SHROOM3: variants seen among roughly 807,000 people sequenced by gnomAD.
SHROOM3 encodes the protein shroom family member 3.
SHROOM3 carries 47 observed loss-of-function variants against 138.6 expected under a neutral mutation model. That is an observed-to-expected ratio of 0.34 (90% CI 0.27 to 0.43). The LOEUF is 0.43. Ranked by LOEUF, SHROOM3 falls within the 20% of genes least tolerant of loss-of-function variation. The pLI, the probability that SHROOM3 is intolerant of heterozygous loss-of-function variation, is 1.00. For synonymous variants in SHROOM3, 1,062 were observed against 1,063.3 expected (o/e 1.00, Z 0.02); for missense variants, 2,491 against 2,596.5 (o/e 0.96, Z 0.88).
At chr4:76,614,065 G>A (rs1734821550) in intron 2 of SHROOM3, among the ~76,000 whole-genome samples, 1 of 140,172 alleles carries the variant, frequency 7.1e-6, no homozygotes, top group African/African-American at 2.7e-5. Flanking sequence ...TTGTTTGTTT[G>A]TTTGAGACAG....
In SHROOM3 at chr4:76,540,738, C is replaced by G. The variant is rs149238629; in HGVS notation, c.169-14871C>G. On this transcript the variant is annotated intron_variant, in intron 1 of 10. Coordinates refer to ENST00000296043, the MANE Select transcript of SHROOM3 (RefSeq NM_020859.4). The stretch of plus-strand genomic sequence containing the variant: ...AAGAGATTTGTTATTTTTCTTCTTG[C>G]TGGCACTGATTTAGTTTCTAACCAC... Among the ~76,000 whole-genome samples, 55 of 152,282 alleles carry G rather than the reference C, an allele frequency of 3.6e-4. No homozygotes were observed. The East Asian group carries it at 9.6e-3, about 27-fold the overall frequency.
At chr4:76,653,575 A>C (rs1272900201) in intron 2 of SHROOM3, among the ~76,000 whole-genome samples, 1 of 151,278 alleles carries the variant, frequency 6.6e-6, no homozygotes, top group Non-Finnish European at 1.5e-5. Flanking sequence ...TTAACTAATT[A>C]ATTTTTTTGA....
rs146405432 is a variant in SHROOM3, at chr4:76,607,702, A to G, written c.323+51939A>G. Among the ~76,000 whole-genome samples, 373 of 152,098 alleles carry G rather than the reference A, an allele frequency of 2.5e-3. 1 individual carries two copies. Among genetic ancestry groups the G allele is most frequent in the African/African-American group, 7.8e-3 (325 of 41,496 alleles). ...GCATTTTTTTTTTCTTGTGGTTAAT[A>G]AAGGACAGGGTTTCAAGGCAGGCTT... On this transcript the variant is annotated intron_variant, in intron 2 of 10. Coordinates refer to ENST00000296043, the MANE Select transcript of SHROOM3 (RefSeq NM_020859.4).
intron 1 of SHROOM3, among the ~76,000 whole-genome samples, chr4:76,546,048 G>A (rs1733209326): frequency 6.6e-6 from 1 of 152,154 alleles, no homozygotes; most frequent in Non-Finnish European, 1.5e-5. Flanking sequence ...TGTTACATAT[G>A]TATTTTAATT....
At chr4:76,527,623 A>G (rs955576616) in intron 1 of SHROOM3, among the ~76,000 whole-genome samples, 1 of 152,230 alleles carries the variant, frequency 6.6e-6, no homozygotes, top group African/African-American at 2.4e-5. Context: ...GTAAAACAAA[A>G]AAAGAGATTG....
In SHROOM3 at chr4:76,781,721, A is replaced by T. The variant is rs1722741575; in HGVS notation, c.*2544A>T. 1 of 152,190 alleles carries T rather than the reference A, an allele frequency of 6.6e-6. No individual in the cohort carries two copies. The allele number at this position is 152,190 out of a possible 1,614,324, so 9.4% of individuals were successfully genotyped here. ...TTCCTTTTAAATGCGTTTAGCTAGAAATCTATGTATTTATCCCTTTCCTAT... is the reference window on the plus strand; with the variant it reads ...TTCCTTTTAAATGCGTTTAGCTAGATATCTATGTATTTATCCCTTTCCTAT... On this transcript the variant is annotated 3_prime_UTR_variant, in exon 11 of 11. Coordinates refer to ENST00000296043, the MANE Select transcript of SHROOM3 (RefSeq NM_020859.4).
chr4:76,506,254 G>A (rs556676701), intron 1 of SHROOM3, among the ~76,000 whole-genome samples: 2 of 152,214 alleles, frequency 1.3e-5, no homozygotes, highest in South Asian at 4.2e-4. Context: ...GGGAGGGATA[G>A]CATTAGGAGA....
chr4:76,532,819 G>A (rs554883182), intron 1 of SHROOM3, among the ~76,000 whole-genome samples: 21 of 152,090 alleles, frequency 1.4e-4, no homozygotes, highest in African/African-American at 4.3e-4. Flanking sequence ...TCTCTCTGGT[G>A]TATCTGAGAG....
At chr4:76,660,830 T>G (rs1736168585) in intron 2 of SHROOM3, among the ~76,000 whole-genome samples, 1 of 151,968 alleles carries the variant, frequency 6.6e-6, no homozygotes, top group South Asian at 2.1e-4. Context: ...TGAGACACAG[T>G]CTCACTCTGT....
At chr4:76,583,583 T>A (rs1577900512) in intron 2 of SHROOM3, among the ~76,000 whole-genome samples, 1 of 152,344 alleles carries the variant, frequency 6.6e-6, no homozygotes, top group East Asian at 1.9e-4. Context: ...AAAGCCTTTA[T>A]CTCAGAGGGT....
chr4:76,636,084 T>G (rs1319816814), intron 2 of SHROOM3, among the ~76,000 whole-genome samples: 3 of 152,246 alleles, frequency 2.0e-5, no homozygotes, highest in Non-Finnish European at 4.4e-5. Context: ...TGGGAATGCT[T>G]CTTCACGTCT....
intron 2 of SHROOM3, among the ~76,000 whole-genome samples, chr4:76,568,369 A>G (rs549495496): frequency 6.6e-6 from 1 of 152,278 alleles, no homozygotes; most frequent in East Asian, 1.9e-4. Context: ...TAATTACATC[A>G]TCAAATAGCG....
At chr4:76,588,489 C>T (rs765150522) in intron 2 of SHROOM3, among the ~76,000 whole-genome samples, 2 of 152,148 alleles carry the variant, frequency 1.3e-5, no homozygotes, top group Non-Finnish European at 1.5e-5. Context: ...GCAGCCTCCC[C>T]CTCCTAGACA....
chr4:76,456,941 C>A (rs575636291), intron 1 of SHROOM3, among the ~76,000 whole-genome samples: 1 of 152,240 alleles, frequency 6.6e-6, no homozygotes, highest in African/African-American at 2.4e-5. Context: ...TTACAAAGAA[C>A]CTTCTTAAGG....
chr4:76,741,435 G>T lies in SHROOM3; in HGVS notation c.3262G>T (p.Asp1088Tyr), dbSNP rs1362190372. 19 of 1,589,674 alleles carry T rather than the reference G, an allele frequency of 1.2e-5. No individual in the cohort carries two copies. The highest frequency in any genetic ancestry group is 2.7e-5 in the African/African-American group (2 of 74,526). ...GCAGTTCCAGCAGAGCGCCCTGGCG[G>T]ACTACATCCAGCGCAAGACCGGCAA... ...LKQFQQSALA[D>Y]YIQRKTGKRP... The change falls in exon 5 of 11, where the codon GAC (aspartate) becomes TAC (tyrosine). Residue 1088 changes from aspartate to tyrosine, a missense_variant. Physicochemically the swap from Asp to Tyr is radical, Grantham distance 160. This residue lies in a region of SHROOM3 where 1,733 missense variants were observed against 1,661.6 expected (regional missense o/e 1.04). Transcript: ENST00000296043. The surrounding 1 kb of genome is among the most constrained non-coding windows in gnomAD (Gnocchi z 6.2).
chr4:76,570,156 AACACAC>A lies in SHROOM3; in HGVS notation c.323+14416_323+14421del, dbSNP rs57079760. 6.9e-3 allele frequency among the ~76,000 whole-genome samples: 1,035 copies of A among 149,486 alleles called. 7 individuals are homozygous for A. Among genetic ancestry groups the A allele is most frequent in the African/African-American group, 0.023 (924 of 40,776 alleles). On this transcript the variant is annotated intron_variant, in intron 2 of 10. Transcript: ENST00000296043. ...CAACCCAAATGCTCAGAAATGTTAAAACACACACACACACACACACACACACACGCA... is the reference window on the plus strand; with the variant it reads ...CAACCCAAATGCTCAGAAATGTTAAAACACACACACACACACACACACGCA...
chr4:76,534,177 G>C (rs921221448), intron 1 of SHROOM3, among the ~76,000 whole-genome samples: 3 of 152,188 alleles, frequency 2.0e-5, no homozygotes, highest in African/African-American at 7.2e-5. Context: ...AGATTTCAGG[G>C]CTGAGTGGAG....
At chr4:76,731,095 C>T (rs567821833) in intron 4 of SHROOM3, among the ~76,000 whole-genome samples, 160 bp downstream of exon 4, 31 of 152,242 alleles carry the variant, frequency 2.0e-4, no homozygotes, top group African/African-American at 3.1e-4. Flanking sequence ...TAGTGCTTGA[C>T]GTGTATATGA....
chr4:76,700,052 G>C (rs767707053), intron 2 of SHROOM3, among the ~76,000 whole-genome samples: 1 of 152,112 alleles, frequency 6.6e-6, no homozygotes. Flanking sequence ...GTGTCCACTC[G>C]GCATATTTTT....
Sources: gnomAD v4.1 joint callset for allele counts (sites outside exome capture counted in the v4.1 genomes callset) on GRCh38, gnomAD v4.1.1 for gene constraint, gnomAD v4.1.1 regional missense constraint, Gnocchi (gnomAD v3.1) non-coding constraint, MANE v1.5 for transcripts, NCBI Gene and HGNC (gene_info 2026-07-23, HGNC 2026-07-21) for gene names.